The following ZNF516 variants were observed in gnomAD, a reference collection of about 807,000 sequenced individuals.
ZNF516 encodes zinc finger protein 516.
A neutral mutation model predicts 79.7 loss-of-function variants in ZNF516; 19 were observed. The ratio of observed to expected loss-of-function variants is 0.24; its 90% CI spans 0.17 to 0.35. ZNF516 has a LOEUF of 0.35. Ranked by LOEUF, ZNF516 falls within the 10% of genes least tolerant of loss-of-function variation. The pLI, the probability that ZNF516 is intolerant of heterozygous loss-of-function variation, is 1.00. For missense variants in ZNF516, 1,678 were observed against 1,679.5 expected (o/e 1.00, Z 0.02); for synonymous variants, 877 against 739.5 (o/e 1.19, Z -3.02).
rs1482448140 is a variant in ZNF516 at position 76,483,684 on chromosome 18, T to C, written c.-272+11460A>G. On this transcript the variant is annotated intron_variant, in intron 1 of 6. Coordinates refer to ENST00000443185, the MANE Select transcript of ZNF516 (RefSeq NM_014643.4). ...CCCTATGATTTTTTGGTGGCTTTTT[T>C]CTTTTAGGATTTTCTATATCCCACG... Among the ~76,000 whole-genome samples, 2 of 152,206 alleles carry C rather than the reference T, an allele frequency of 1.3e-5. 1 individual carries two copies. The highest frequency in any genetic ancestry group is 3.8e-4 in the East Asian group (2 of 5,204).
intron 1 of ZNF516, among the ~76,000 whole-genome samples, chr18:76,464,021 A>C (rs897950953): frequency 6.6e-6 from 1 of 152,082 alleles, no homozygotes; most frequent in Non-Finnish European, 1.5e-5. Flanking sequence ...CTCCATCTAC[A>C]GTCTCAGAAG....
At chr18:76,436,409 T>C (rs2075735430) in intron 3 of ZNF516, among the ~76,000 whole-genome samples, 1 of 152,148 alleles carries the variant, frequency 6.6e-6, no homozygotes, top group Non-Finnish European at 1.5e-5. Context: ...ACAACCTCTT[T>C]CTTTGAATCG....
chr18:76,433,280 G>A (rs1259830482), intron 3 of ZNF516, among the ~76,000 whole-genome samples: 1 of 152,170 alleles, frequency 6.6e-6, no homozygotes, highest in African/African-American at 2.4e-5. Context: ...CATGGAGTTC[G>A]CTGTCAACTC....
At chr18:76,491,986 T>C (rs1915254915) in intron 1 of ZNF516, among the ~76,000 whole-genome samples, 2 of 151,984 alleles carry the variant, frequency 1.3e-5, no homozygotes, top group African/African-American at 4.8e-5. Context: ...CCGAGTTAGA[T>C]TTCTGCAGAA....
chr18:76,411,025 AAC>A (rs1568269643), intron 3 of ZNF516, among the ~76,000 whole-genome samples: 1 of 152,248 alleles, frequency 6.6e-6, no homozygotes, highest in Non-Finnish European at 1.5e-5. Flanking sequence ...CTAGAATTCT[AAC>A]ACAGCTTTGC....
At position 76,379,408 on chromosome 18, in the gene ZNF516, C is replaced by G. The variant is rs533469182; in HGVS notation, c.2706G>C (p.Gln902His). 13 of 1,607,782 alleles carry G rather than the reference C, an allele frequency of 8.1e-6. No homozygotes were observed. Among genetic ancestry groups the G allele is most frequent in the Non-Finnish European group, 1.1e-5 (13 of 1,176,846 alleles). Residue 902 changes from glutamine (Q) to histidine (H), a missense_variant, in exon 4 of 7, where the codon CAG becomes CAC. By Grantham distance (24) the Gln-to-His change is conservative. This residue lies in a region of ZNF516 where 1,294 missense variants were observed against 1,248.3 expected (regional missense o/e 1.04). Coordinates refer to ENST00000443185, the MANE Select transcript of ZNF516 (RefSeq NM_014643.4). The part of the protein sequence containing the change: ...HGQEPHGAAT[Q>H]GPLAKPRQEA... ...CCTGCCTGGGCTTGGCCAGGGGCCCCTGTGTGGCCGCGCCATGTGGCTCCT... is the reference window on the plus strand; with the variant it reads ...CCTGCCTGGGCTTGGCCAGGGGCCCGTGTGTGGCCGCGCCATGTGGCTCCT...
intron 3 of ZNF516, among the ~76,000 whole-genome samples, chr18:76,399,664 A>C (rs566613417): frequency 1.2e-4 from 19 of 152,328 alleles, no homozygotes; most frequent in Non-Finnish European, 2.1e-4. Context: ...ACAGCACCTA[A>C]GTTGTCTTCT....
In ZNF516 at chr18:76,360,547, G is replaced by A. The variant is rs868486507; in HGVS notation, c.*1951C>T. 1 of 148,302 alleles carries A rather than the reference G, an allele frequency of 6.7e-6. No homozygotes were observed. Among genetic ancestry groups the A allele is most frequent in the African/African-American group, 2.5e-5 (1 of 40,038 alleles). 9.2% of individuals were successfully genotyped at this position (148,302 alleles called of 1,614,324 possible). On this transcript the variant is annotated 3_prime_UTR_variant, in exon 7 of 7. Coordinates refer to ENST00000443185, the MANE Select transcript of ZNF516 (RefSeq NM_014643.4). ...AACAGTCAATTACAGTTGTTTAACTGTATCTGCATGGACATTCCTAATTAC... is the reference window on the plus strand; with the variant it reads ...AACAGTCAATTACAGTTGTTTAACTATATCTGCATGGACATTCCTAATTAC...
At chr18:76,465,422 T>C (rs1913401600) in intron 1 of ZNF516, among the ~76,000 whole-genome samples, 1 of 152,300 alleles carries the variant, frequency 6.6e-6, no homozygotes, top group Middle Eastern at 3.4e-3. Flanking sequence ...TCTATTTCCT[T>C]TGGGCCAAGG....
At chr18:76,408,644 T>C (rs1328244361) in intron 3 of ZNF516, among the ~76,000 whole-genome samples, 1 of 152,112 alleles carries the variant, frequency 6.6e-6, no homozygotes, top group Non-Finnish European at 1.5e-5. Context: ...AAGAAGAACA[T>C]GACCGCTAAC....
intron 1 of ZNF516, among the ~76,000 whole-genome samples, chr18:76,485,120 A>C (rs766027842): frequency 3.9e-5 from 6 of 152,206 alleles, no homozygotes; most frequent in Non-Finnish European, 4.4e-5. Context: ...GTAAAAAGCC[A>C]TTTTTGAAAA....
intron 3 of ZNF516, chr18:76,387,345 A>G (rs117967255): frequency 0.017 from 2,570 of 152,246 alleles, 36 homozygotes; most frequent in Non-Finnish European, 0.028. Context: ...TTTCCAATAC[A>G]TTGTATGTTT....
intron 3 of ZNF516, among the ~76,000 whole-genome samples, chr18:76,385,050 G>A (rs1204060376): frequency 2.0e-5 from 3 of 152,354 alleles, no homozygotes; most frequent in Non-Finnish European, 2.9e-5. Context: ...ACGGAAGCAC[G>A]TGCCAGGAGG....
At chr18:76,490,113 A>C in intron 1 of ZNF516, 1 of 974,144 alleles carries the variant, frequency 1.0e-6, no homozygotes, top group Non-Finnish European at 1.2e-6. Flanking sequence ...ATTCAAATTC[A>C]ATTACCAAAA....
chr18:76,438,983 A>C (rs1199174915), intron 3 of ZNF516, among the ~76,000 whole-genome samples: 2 of 152,260 alleles, frequency 1.3e-5, no homozygotes, highest in African/African-American at 4.8e-5. Flanking sequence ...AATTTAAAAT[A>C]ACCTAACACT....
intron 3 of ZNF516, chr18:76,388,638 C>T (rs915696275): frequency 1.3e-5 from 2 of 152,158 alleles, no homozygotes; most frequent in African/African-American, 4.8e-5. Context: ...ATGAGGGAGA[C>T]CAAAGCAGCA....
chr18:76,411,475 A>G (rs1258286114), intron 3 of ZNF516, among the ~76,000 whole-genome samples: 3 of 152,260 alleles, frequency 2.0e-5, no homozygotes, highest in Non-Finnish European at 1.5e-5. Context: ...TTCACTTAGG[A>G]TCACTGACAT....
intron 6 of ZNF516, among the ~76,000 whole-genome samples, chr18:76,368,116 C>G (rs1187774331): frequency 6.6e-6 from 1 of 152,194 alleles, no homozygotes; most frequent in Non-Finnish European, 1.5e-5. Context: ...TACATAACTA[C>G]AGAATGTTTT....
Position 76,391,538 on chromosome 18 carries a change from C to G in ZNF516, c.1811-11235G>C, listed in dbSNP as rs879405809. On this transcript the variant is annotated intron_variant, in intron 3 of 6. Transcript: ENST00000443185. ...CTAACCCAAACACCTAACCCTAACC[C>G]AACTCTAACCCTAACCGCTCCCTCT... is the stretch of plus-strand genomic sequence containing the variant. Among the ~76,000 whole-genome samples the G allele has an allele frequency of 6.6e-5, 10 of 152,132 alleles. No homozygotes were observed. The South Asian group carries it at 1.5e-3, about 22-fold the overall frequency.
Sources: gnomAD v4.1 joint callset for allele counts (sites outside exome capture counted in the v4.1 genomes callset) on GRCh38, gnomAD v4.1.1 for gene constraint, gnomAD v4.1.1 regional missense constraint, MANE v1.5 for transcripts, NCBI Gene and HGNC (gene_info 2026-07-23, HGNC 2026-07-21) for gene names.